The following TMTC1 variants were observed in gnomAD, a reference collection of about 807,000 sequenced individuals.
TMTC1 encodes transmembrane O-mannosyltransferase targeting cadherins 1.
A neutral mutation model predicts 104.8 loss-of-function variants in TMTC1; 73 were observed. That is an observed-to-expected ratio of 0.70 (90% CI 0.58 to 0.85). The LOEUF (loss-of-function observed/expected upper bound fraction) is 0.85, where lower values mean the gene tolerates loss of function less well. TMTC1 is among the 40% of genes least tolerant of loss of function. The pLI, the probability that TMTC1 is intolerant of heterozygous loss-of-function variation, is 0.00. For synonymous variants in TMTC1, 434 were observed against 428.7 expected (o/e 1.01, Z -0.15); for missense variants, 1,035 against 1,096.1 (o/e 0.94, Z 0.79).
chr12:29,616,685 A>C (rs1400635699), intron 6 of TMTC1, among the ~76,000 whole-genome samples: 1 of 151,950 alleles, frequency 6.6e-6, no homozygotes, highest in African/African-American at 2.4e-5. Context: ...AAAAAAAAAA[A>C]AAAAACATTT....
chr12:29,589,109 G>A (rs1485127108), intron 7 of TMTC1, among the ~76,000 whole-genome samples: 2 of 152,172 alleles, frequency 1.3e-5, no homozygotes, highest in Non-Finnish European at 2.9e-5. Context: ...GTAAAGCCCC[G>A]ATTTACTGAG....
chr12:29,682,879 C>A (rs1940966469), intron 5 of TMTC1, among the ~76,000 whole-genome samples: 1 of 152,126 alleles, frequency 6.6e-6, no homozygotes, highest in Non-Finnish European at 1.5e-5. Flanking sequence ...TGGCATAGAA[C>A]TATACACACA....
chr12:29,698,682 C>T (rs1297925777), intron 5 of TMTC1, among the ~76,000 whole-genome samples: 1 of 152,162 alleles, frequency 6.6e-6, no homozygotes, highest in Non-Finnish European at 1.5e-5. Flanking sequence ...ACATGCTTGC[C>T]TGGAACGTGG....
intron 10 of TMTC1, among the ~76,000 whole-genome samples, chr12:29,550,396 G>A (rs1024123538): frequency 3.9e-5 from 6 of 152,132 alleles, no homozygotes; most frequent in Non-Finnish European, 8.8e-5. Context: ...AGGAAAGAGG[G>A]AGCAGGAGAA....
rs1328104214 is a variant in TMTC1, at chr12:29,520,480, G to A, written c.1888+138C>T. On this transcript the variant is annotated intron_variant, in intron 12 of 17. Coordinates refer to ENST00000539277, the MANE Select transcript of TMTC1 (RefSeq NM_001193451.2). Reference sequence around the variant, plus strand: ...AGATCTAGAGAAATGACAGCCCCGAGGTATAATGACTGTCAATAGTGTGAG... The same window carrying A: ...AGATCTAGAGAAATGACAGCCCCGAAGTATAATGACTGTCAATAGTGTGAG... The A allele has an allele frequency of 1.0e-5, 7 of 701,436 alleles. No homozygotes were observed. In the East Asian group the frequency reaches 1.9e-4, roughly 19 times the overall value. The allele number at this position is 701,436 out of a possible 1,614,324, so 43.5% of individuals were successfully genotyped here.
chr12:29,672,555 G>A (rs1015830956), intron 5 of TMTC1, among the ~76,000 whole-genome samples: 1 of 150,344 alleles, frequency 6.7e-6, no homozygotes, highest in Non-Finnish European at 1.5e-5. Context: ...CTTCAATTTA[G>A]GGCAGAGAGA....
chr12:29,536,230 T>A lies in TMTC1; in HGVS notation c.1764A>T (p.Leu588Phe). Reference sequence around the variant, plus strand: ...TTACCTGCTCAGCCAATAACGAAGCTAAGCTTGAATATGCATCTGCAAACT... The same window carrying A: ...TTACCTGCTCAGCCAATAACGAAGCAAAGCTTGAATATGCATCTGCAAACT... ...GPEFADAYSS[L>F]ASLLAEQERF... The change falls in exon 11 of 18, where the codon TTA becomes TTT. Residue 588 changes from leucine (L) to phenylalanine (F), a missense_variant. Transcript: ENST00000539277. 6.2e-7 allele frequency: 1 copy of A among 1,611,882 alleles called. No homozygotes were observed. The highest frequency in any genetic ancestry group is 8.5e-7 in the Non-Finnish European group (1 of 1,178,388).
chr12:29,767,782 A>C (rs1943502057), intron 2 of TMTC1, 116 bp downstream of exon 2: 1 of 961,966 alleles, frequency 1.0e-6, no homozygotes, highest in Admixed American at 2.8e-5. Flanking sequence ...ATATACACAC[A>C]CATATCTACA....
intron 7 of TMTC1, among the ~76,000 whole-genome samples, chr12:29,590,049 G>A (rs528378494): frequency 6.6e-5 from 10 of 152,228 alleles, no homozygotes; most frequent in Admixed American, 1.3e-4. Context: ...AGTCTTTGTC[G>A]TTAGCATTCA....
chr12:29,545,676 C>T (rs1646824), intron 10 of TMTC1, among the ~76,000 whole-genome samples: 2 of 137,850 alleles, frequency 1.5e-5, no homozygotes, highest in African/African-American at 2.8e-5. Context: ...CACACACACA[C>T]GGATAGAAAC....
At chr12:29,767,843 C>G (rs986281861) in intron 2 of TMTC1, 55 bp downstream of exon 2, 2 of 1,477,568 alleles carry the variant, frequency 1.4e-6, no homozygotes, top group Non-Finnish European at 1.9e-6. Flanking sequence ...CACGTATACA[C>G]GTATACATAC....
intron 6 of TMTC1, among the ~76,000 whole-genome samples, chr12:29,616,064 G>A (rs1946970457): frequency 6.6e-6 from 1 of 152,074 alleles, no homozygotes; most frequent in African/African-American, 2.4e-5. Flanking sequence ...CGCCCCTTTT[G>A]GAAACTCACA....
chr12:29,682,200 T>C (rs188149718), intron 5 of TMTC1, among the ~76,000 whole-genome samples: 11 of 152,268 alleles, frequency 7.2e-5, no homozygotes, highest in Admixed American at 7.2e-4. Context: ...GAGATAATAC[T>C]GGTATCACTA....
chr12:29,651,038 G>A (rs73269847), intron 5 of TMTC1, among the ~76,000 whole-genome samples: 2,582 of 152,218 alleles, frequency 0.017, 66 homozygotes, highest in African/African-American at 0.058. Context: ...TGAGGCACAC[G>A]GGGGGCTACG....
chr12:29,620,899 A>G (rs1326633924), intron 6 of TMTC1, among the ~76,000 whole-genome samples: 1 of 152,220 alleles, frequency 6.6e-6, no homozygotes, highest in African/African-American at 2.4e-5. Flanking sequence ...CATCTCATAC[A>G]ATGGCTACTC....
At chr12:29,744,443 A>ATT (rs1227588091) in intron 5 of TMTC1, among the ~76,000 whole-genome samples, 1 of 152,182 alleles carries the variant, frequency 6.6e-6, no homozygotes, top group Non-Finnish European at 1.5e-5. Flanking sequence ...ATTAAAAGGA[A>ATT]TTTTTGCCTC....
intron 5 of TMTC1, among the ~76,000 whole-genome samples, chr12:29,750,406 T>C (rs1943061603): frequency 6.6e-6 from 1 of 152,146 alleles, no homozygotes; most frequent in Non-Finnish European, 1.5e-5. Context: ...TGTTGATTAT[T>C]TATTGTCTAC....
intron 5 of TMTC1, among the ~76,000 whole-genome samples, chr12:29,746,626 C>G: frequency 6.6e-6 from 1 of 152,126 alleles, no homozygotes; most frequent in Non-Finnish European, 1.5e-5. Flanking sequence ...GATCAGCTAC[C>G]CATTTTATCA....
chr12:29,713,399 T>C (rs1941991314), intron 5 of TMTC1, among the ~76,000 whole-genome samples: 2 of 151,358 alleles, frequency 1.3e-5, no homozygotes, highest in Non-Finnish European at 2.9e-5. Context: ...CACAAACTAA[T>C]GTTCTCCATC....
Sources: allele counts gnomAD v4.1 joint callset (sites outside exome capture counted in the v4.1 genomes callset), GRCh38; gene constraint gnomAD v4.1.1; transcripts MANE v1.5; gene names NCBI Gene and HGNC (gene_info 2026-07-23, HGNC 2026-07-21).